Variants in AP2S1 observed in about 807,000 individuals in gnomAD.
AP2S1 encodes the protein AP-2 complex subunit sigma.
Under a neutral mutation model 21.0 loss-of-function variants are expected in AP2S1, and 6 were observed. That is an observed-to-expected ratio of 0.29 (90% CI 0.16 to 0.56). AP2S1 has a LOEUF of 0.56. Ranked by LOEUF, AP2S1 falls within the 20% of genes least tolerant of loss-of-function variation. AP2S1 has a pLI of 0.92. For missense variants in AP2S1, 60 were observed against 186.2 expected, an observed-to-expected ratio of 0.32 and a Z score of 3.95; for synonymous variants, 63 against 74.6, an observed-to-expected ratio of 0.84 and a Z score of 0.80.
At chr19:46,845,035 T>C (rs114596350) in intron 2 of AP2S1, among the ~76,000 whole-genome samples, 6 of 143,924 alleles carry the variant, frequency 4.2e-5, no homozygotes, top group Non-Finnish European at 3.0e-5. Context: ...CTGGAGGAGG[T>C]TGCAGTGAGC....
intron 1 of AP2S1, among the ~76,000 whole-genome samples, chr19:46,846,389 C>T (rs2055634109): frequency 1.3e-5 from 2 of 151,592 alleles, no homozygotes; most frequent in South Asian, 2.1e-4. Context: ...ACTCTGGAGT[C>T]AGCTCCAGGG....
At chr19:46,845,907 G>A in intron 2 of AP2S1, 86 bp downstream of exon 2, 2 of 1,571,716 alleles carry the variant, frequency 1.3e-6, no homozygotes, top group Non-Finnish European at 8.7e-7. Context: ...GGTCCAAGGG[G>A]TTCTTGCAAC....
At chr19:46,847,235 CTTT>C (rs755228711) in intron 1 of AP2S1, among the ~76,000 whole-genome samples, 8 of 141,808 alleles carry the variant, frequency 5.6e-5, no homozygotes, top group East Asian at 2.0e-4. Context: ...AAAATCACCA[CTTT>C]TTTTTTTTTT....
At chr19:46,839,366 G>A (rs562048208) in intron 3 of AP2S1, 99 bp downstream of exon 3, 2 of 1,312,800 alleles carry the variant, frequency 1.5e-6, no homozygotes, top group East Asian at 2.3e-5. Flanking sequence ...TCACTGCAGA[G>A]GGAGGGCTCA....
At chr19:46,849,771 C>T (rs1325385982) in intron 1 of AP2S1, among the ~76,000 whole-genome samples, 1 of 152,082 alleles carries the variant, frequency 6.6e-6, no homozygotes. Flanking sequence ...CAGTTCCCCT[C>T]CTTGGGGCCT....
chr19:46,850,127 A>G, intron 1 of AP2S1: 2 of 1,231,684 alleles, frequency 1.6e-6, no homozygotes, highest in Non-Finnish European at 2.0e-6. Context: ...CCGAGTGTCC[A>G]TCTTACCTCC....
At chr19:46,849,872 T>C (rs1253178391) in intron 1 of AP2S1, among the ~76,000 whole-genome samples, 1 of 152,088 alleles carries the variant, frequency 6.6e-6, no homozygotes, top group Non-Finnish European at 1.5e-5. Context: ...AGGACCCTGT[T>C]CCTGGAGGAG....
chr19:46,839,554 G>C lies in AP2S1; in HGVS notation c.178C>G (p.Arg60Gly). 1 of 1,614,106 alleles carries C rather than the reference G, an allele frequency of 6.2e-7. No individual in the cohort carries two copies. Among genetic ancestry groups the C allele is most frequent in the Non-Finnish European group, 8.5e-7 (1 of 1,180,008 alleles). Residue 60 changes from arginine (R) to glycine (G), a missense_variant, in exon 3 of 5, where the codon CGC becomes GGC. Physicochemically the swap from Arg to Gly is moderately radical, Grantham distance 125. Transcript: ENST00000263270. ...VEFRNFKIIY[R>G]RYAGLYFCIC... is the part of the protein sequence containing the mutation. ...CAGAAGTAGAGGCCAGCATAGCGGC[G>C]GTAAATGATCTTAAAGTTCCGGAAC...
intron 1 of AP2S1, among the ~76,000 whole-genome samples, chr19:46,847,289 A>G (rs1348753346): frequency 6.7e-6 from 1 of 149,936 alleles, no homozygotes; most frequent in Non-Finnish European, 1.5e-5. Context: ...GCTAGAGTGC[A>G]GTGGCGCGAT....
At chr19:46,846,429 T>C (rs1411368534) in intron 1 of AP2S1, among the ~76,000 whole-genome samples, 1 of 149,040 alleles carries the variant, frequency 6.7e-6, no homozygotes, top group Non-Finnish European at 1.5e-5. Context: ...CCACCACCTC[T>C]TATCTCTCTC....
chr19:46,842,041 C>T (rs994746421), intron 2 of AP2S1, among the ~76,000 whole-genome samples: 4 of 152,054 alleles, frequency 2.6e-5, no homozygotes, highest in Non-Finnish European at 5.9e-5. Context: ...ATTAGTTGGG[C>T]GTGGTGGCAG....
intron 2 of AP2S1, among the ~76,000 whole-genome samples, chr19:46,843,740 A>T (rs1001532214): frequency 2.0e-5 from 3 of 151,866 alleles, no homozygotes; most frequent in Non-Finnish European, 1.5e-5. Flanking sequence ...AAAAAAATTT[A>T]AAAATTAGAT....
At position 46,838,652 on chromosome 19, in the gene AP2S1, A is replaced by G. The variant is rs1389856398; in HGVS notation, c.327+88T>C. 1.3e-6 allele frequency: 2 copies of G among 1,570,382 alleles called. No homozygotes were observed. The highest frequency in any genetic ancestry group is 1.8e-6 in the Non-Finnish European group (2 of 1,141,958). On this transcript the variant is annotated intron_variant, in intron 4 of 4. Transcript: ENST00000263270. The surrounding 1 kb of genome is among the most constrained non-coding windows in gnomAD (Gnocchi z 4.1). ...CCCCTCGAGCTGGGACACAGACCTC[A>G]GCAGAGGCTCCGGGTGGCTAGTGCA...
rs576949363 is a variant in AP2S1 at position 46,839,265 on chromosome 19, C to T, written c.267+200G>A. 2.0e-4 allele frequency among the ~76,000 whole-genome samples: 23 copies of T among 116,170 alleles called. No homozygotes were observed. In the East Asian group the frequency reaches 3.0e-3, roughly 15 times the overall value. 76.2% of individuals were successfully genotyped at this position (116,170 alleles called of 152,430 possible). On this transcript the variant is annotated intron_variant, in intron 3 of 4. Coordinates refer to ENST00000263270, the MANE Select transcript of AP2S1 (RefSeq NM_004069.6). ...TTGCACCACTGCACTCCAGCCTGGGCGACAGAACAAGACTCCGTCTCAAAA... is the reference window on the plus strand; with the variant it reads ...TTGCACCACTGCACTCCAGCCTGGGTGACAGAACAAGACTCCGTCTCAAAA...
intron 2 of AP2S1, among the ~76,000 whole-genome samples, chr19:46,842,883 G>A (rs145245439): frequency 2.0e-3 from 301 of 152,112 alleles, no homozygotes; most frequent in African/African-American, 7.1e-3. Flanking sequence ...TGCTCTCCTC[G>A]GTCTATCCTC....
At chr19:46,839,819 C>T (rs559469934) in intron 2 of AP2S1, among the ~76,000 whole-genome samples, 1 of 116,390 alleles carries the variant, frequency 8.6e-6, no homozygotes, top group Non-Finnish European at 1.8e-5. Flanking sequence ...GGGTGCCTAA[C>T]CCCCTCTGAT....
intron 2 of AP2S1, among the ~76,000 whole-genome samples, chr19:46,845,270 G>A (rs1368234272): frequency 1.3e-5 from 2 of 151,818 alleles, no homozygotes; most frequent in Non-Finnish European, 2.9e-5. Flanking sequence ...GCCTGGTGTT[G>A]TGGTGCACGC....
Position 46,846,157 on chromosome 19 carries a change from A to G in AP2S1, c.4-15T>C. 1 of 1,613,200 alleles carries G rather than the reference A, an allele frequency of 6.2e-7. No homozygotes were observed. Among genetic ancestry groups the G allele is most frequent in the Non-Finnish European group, 8.5e-7 (1 of 1,179,810 alleles). The stretch of plus-strand genomic sequence containing the variant: ...ATAAAGCGGATCTGGGGGCAGCAGG[A>G]GGAGAAGGAGGAAGTGAGAGAGGCA... On this transcript the variant is annotated splice_polypyrimidine_tract_variant and intron_variant, in intron 1 of 4. Coordinates refer to ENST00000263270, the MANE Select transcript of AP2S1 (RefSeq NM_004069.6).
intron 1 of AP2S1, among the ~76,000 whole-genome samples, chr19:46,846,996 G>T (rs1181083538): frequency 6.6e-6 from 1 of 152,060 alleles, no homozygotes; most frequent in Non-Finnish European, 1.5e-5. Context: ...TAAAAAAAAA[G>T]TTTATAAACT....
Sources: allele counts gnomAD v4.1 joint callset (sites outside exome capture counted in the v4.1 genomes callset), GRCh38; gene constraint gnomAD v4.1.1; non-coding constraint Gnocchi (gnomAD v3.1); transcripts MANE v1.5; gene names NCBI Gene and HGNC (gene_info 2026-07-23, HGNC 2026-07-21).